Variants in PKHD1L1 observed in about 807,000 individuals in gnomAD.
The protein encoded by PKHD1L1 is fibrocystin-L.
Under a neutral mutation model 462.9 loss-of-function variants are expected in PKHD1L1, and 434 were observed. The ratio of observed to expected loss-of-function variants is 0.94; its 90% CI spans 0.87 to 1.02. PKHD1L1 has a LOEUF of 1.02. Among genes scored for constraint, PKHD1L1 ranks in the 50% least tolerant of loss-of-function variants. PKHD1L1 has a pLI of 0.00. For missense variants in PKHD1L1, 5,202 were observed against 5,096.1 expected (o/e 1.02, Z -0.63); for synonymous variants, 1,781 against 1,750.0 (o/e 1.02, Z -0.44).
chr8:109,394,198 G>GGA (rs1812851476), intron 9 of PKHD1L1, among the ~76,000 whole-genome samples: 1 of 95,516 alleles, frequency 1.0e-5, no homozygotes, highest in African/African-American at 4.5e-5. Flanking sequence ...AAAAAAAAAA[G>GGA]AAATCAACTT....
At chr8:109,449,823 C>T (rs920465904) in intron 40 of PKHD1L1, among the ~76,000 whole-genome samples, 2 of 152,164 alleles carry the variant, frequency 1.3e-5, no homozygotes, top group African/African-American at 4.8e-5. Context: ...TCATTAATGG[C>T]TATGAGTATC....
intron 10 of PKHD1L1, among the ~76,000 whole-genome samples, chr8:109,395,707 A>G (rs1271633898): frequency 6.6e-6 from 1 of 152,186 alleles, no homozygotes. Context: ...AGCATATGGA[A>G]GAAGAGGTGG....
At position 109,464,277 on chromosome 8, in the gene PKHD1L1, G is replaced by A. The variant is rs773566113; in HGVS notation, c.7445G>A (p.Gly2482Glu). ...TATCCAATACATTGGCACCTGCTTG[G>A]AGACTTACAGTTTAAATCTTATGTA... ...GRYPIHWHLL[G>E]DLQFKSYVRG... The change falls in exon 49 of 78, where the codon GGA (glycine) becomes GAA (glutamate). Residue 2482 changes from glycine to glutamate, a missense_variant. Transcript: ENST00000378402. The A allele has an allele frequency of 1.9e-6, 3 of 1,612,520 alleles. No individual in the cohort carries two copies. In the South Asian group the frequency reaches 3.3e-5, roughly 18 times the overall value.
intron 67 of PKHD1L1, among the ~76,000 whole-genome samples, chr8:109,502,989 TGG>T (rs1819504431): frequency 1.3e-5 from 2 of 152,190 alleles, no homozygotes. Context: ...AACTCTCAAG[TGG>T]CTAAACGCAA....
chr8:109,501,373 G>A (rs555253084), intron 67 of PKHD1L1, among the ~76,000 whole-genome samples: 5 of 152,222 alleles, frequency 3.3e-5, no homozygotes, highest in South Asian at 2.1e-4. Context: ...GCAGGAGCCC[G>A]TGCCATTAGA....
At chr8:109,471,832 T>C (rs1817738169) in intron 50 of PKHD1L1, among the ~76,000 whole-genome samples, 1 of 152,198 alleles carries the variant, frequency 6.6e-6, no homozygotes, top group Admixed American at 6.5e-5. Flanking sequence ...TTATAAAAAT[T>C]AACTTAGTTT....
In PKHD1L1 at chr8:109,396,015, G is replaced by T. The variant is rs752257438; in HGVS notation, c.812-12G>T. 17 of 1,550,324 alleles carry T rather than the reference G, an allele frequency of 1.1e-5. No homozygotes were observed. In the South Asian group the frequency reaches 1.8e-4, roughly 16 times the overall value. ...TATTTATGATATTTTATTTAATGTGGTTTTCCCCCAGAGGTCACCATGATT... is the reference window on the plus strand; with the variant it reads ...TATTTATGATATTTTATTTAATGTGTTTTTCCCCCAGAGGTCACCATGATT... On this transcript the variant is annotated splice_polypyrimidine_tract_variant and intron_variant, in intron 10 of 77. Coordinates refer to ENST00000378402, the MANE Select transcript of PKHD1L1 (RefSeq NM_177531.6).
intron 53 of PKHD1L1, among the ~76,000 whole-genome samples, chr8:109,478,337 T>C (rs1818103072): frequency 6.6e-6 from 1 of 152,166 alleles, no homozygotes; most frequent in African/African-American, 2.4e-5. Context: ...TGATCTCTGA[T>C]CTCATTACAC....
At chr8:109,461,750 T>C (rs1393533010) in intron 47 of PKHD1L1, 22 bp from the exon 48 acceptor site, 1 of 1,592,216 alleles carries the variant, frequency 6.3e-7, no homozygotes, top group Non-Finnish European at 8.5e-7. Context: ...TTTTTAATGA[T>C]GCTTTAAAAA....
intron 9 of PKHD1L1, among the ~76,000 whole-genome samples, chr8:109,390,953 A>G (rs148162765): frequency 6.6e-6 from 1 of 152,304 alleles, no homozygotes; most frequent in Non-Finnish European, 1.5e-5. Context: ...AGCAATATTA[A>G]TAACTCATAT....
intron 49 of PKHD1L1, 42 bp from the exon 50 acceptor site, chr8:109,466,536 T>C: frequency 6.6e-7 from 1 of 1,510,626 alleles, no homozygotes; most frequent in Non-Finnish European, 8.9e-7. Context: ...TTATGTTTCT[T>C]AATGTGAAAT....
At position 109,389,107 on chromosome 8, in the gene PKHD1L1, G is replaced by A; in HGVS notation, c.652G>A (p.Gly218Arg). ...LYGLKLDHPN[G>R]DMGSMVCKTT... ...TGGTCTAAAACTGGATCATCCAAAT[G>A]GAGATATGGGTTCTATGGTTTGTAA... The change falls in exon 8 of 78, where the codon GGA becomes AGA. Residue 218 changes from glycine to arginine, a missense_variant. Gly to Arg is a moderately radical substitution (Grantham distance 125). Transcript: ENST00000378402. 6.2e-7 allele frequency: 1 copy of A among 1,610,620 alleles called. No individual in the cohort carries two copies. Among genetic ancestry groups the A allele is most frequent in the Admixed American group, 1.7e-5 (1 of 59,808 alleles).
Position 109,364,596 on chromosome 8 carries a change from C to A in PKHD1L1, c.123C>A (p.Gly41=), listed in dbSNP as rs748852355. 8 of 1,596,872 alleles carry A rather than the reference C, an allele frequency of 5.0e-6. No individual in the cohort carries two copies. The highest frequency in any genetic ancestry group is 6.8e-6 in the Non-Finnish European group (8 of 1,170,182). ...TCACAGAAATAATACCTAAATATGG[C>A]AGTATAAATGGAGCAACAAGGCTGA... ...PKVTEIIPKY[G]SINGATRLTI... Residue 41 remains glycine, a synonymous_variant, in exon 2 of 78, where the codon GGC becomes GGA. Coordinates refer to ENST00000378402, the MANE Select transcript of PKHD1L1 (RefSeq NM_177531.6).
Position 109,449,349 on chromosome 8 carries a change from G to T in PKHD1L1, c.6037G>T (p.Gly2013Trp). ...TTTGTCTTCACTAGGGAGCTTTGGT[G>T]GGGGTCAAACCATGACTGTGACAGG... ...NINPSQGSFG[G>W]GQTMTVTGTG... The change falls in exon 40 of 78, where the codon GGG becomes TGG. Residue 2013 changes from glycine (G) to tryptophan (W), a missense_variant. Physicochemically the swap from Gly to Trp is radical, Grantham distance 184. Coordinates refer to ENST00000378402, the MANE Select transcript of PKHD1L1 (RefSeq NM_177531.6). The T allele has an allele frequency of 6.4e-7, 1 of 1,573,248 alleles. No individual in the cohort carries two copies. Among genetic ancestry groups the T allele is most frequent in the Non-Finnish European group, 8.6e-7 (1 of 1,157,988 alleles).
chr8:109,451,845 T>C (rs1411598843), intron 41 of PKHD1L1, among the ~76,000 whole-genome samples: 1 of 152,168 alleles, frequency 6.6e-6, no homozygotes, highest in South Asian at 2.1e-4. Context: ...GAGATCAACA[T>C]AGAATCACTG....
intron 61 of PKHD1L1, among the ~76,000 whole-genome samples, chr8:109,491,639 C>T (rs925956972): frequency 1.3e-5 from 2 of 151,586 alleles, no homozygotes; most frequent in Non-Finnish European, 3.0e-5. Context: ...CCCTGTGAAC[C>T]CACATATTTA....
intron 70 of PKHD1L1, 128 bp from the exon 71 acceptor site, chr8:109,510,649 G>A (rs1431708624): frequency 4.2e-6 from 5 of 1,194,078 alleles, no homozygotes; most frequent in Admixed American, 2.5e-5. Flanking sequence ...ATGGGTAATA[G>A]GTATAAATGC....
intron 8 of PKHD1L1, 73 bp from the exon 9 acceptor site, chr8:109,390,379 G>T (rs1235562550): frequency 2.7e-5 from 22 of 800,010 alleles, no homozygotes; most frequent in Non-Finnish European, 4.0e-5. Flanking sequence ...TTTTAAATCA[G>T]CTTTATAATA....
chr8:109,413,594 A>T, intron 21 of PKHD1L1, 49 bp downstream of exon 21: 3 of 1,364,160 alleles, frequency 2.2e-6, no homozygotes, highest in Non-Finnish European at 2.9e-6. Flanking sequence ...TGGTATATAA[A>T]CTACAAAGAT....
Sources: gnomAD v4.1 joint callset for allele counts (sites outside exome capture counted in the v4.1 genomes callset) on GRCh38, gnomAD v4.1.1 for gene constraint, MANE v1.5 for transcripts, NCBI Gene and HGNC (gene_info 2026-07-23, HGNC 2026-07-21) for gene names.